Variants in BMAL1 observed in about 807,000 individuals in gnomAD.
BMAL1 encodes the protein basic helix-loop-helix ARNT like 1, also known as basic helix-loop-helix ARNT-like protein 1.
At chr11:13,354,256 C>T in the BMAL1 span, 1 of 1,304,700 alleles carries the variant, frequency 7.7e-7, no homozygotes, top group Non-Finnish European at 1.0e-6. Flanking sequence ...CTTTTGAGAG[C>T]TCATCGAAAT....
the BMAL1 span, among the ~76,000 whole-genome samples, chr11:13,333,414 C>T: frequency 1.5e-3 from 229 of 152,306 alleles, 1 homozygote; most frequent in African/African-American, 5.3e-3. Context: ...CTGGTCATTC[C>T]TGTCACCACT....
At chr11:13,326,725 T>TTA in the BMAL1 span, among the ~76,000 whole-genome samples, 27 of 150,206 alleles carry the variant, frequency 1.8e-4, no homozygotes, top group Middle Eastern at 3.5e-3. Context: ...TATATAGGTA[T>TTA]TATATATATA....
chr11:13,288,394 T>TCTTTTTTCTTTCTTTCTTTC, the BMAL1 span, among the ~76,000 whole-genome samples: 21 of 43,276 alleles, frequency 4.9e-4, no homozygotes, highest in Non-Finnish European at 7.8e-4. Flanking sequence ...GGATTTTCTT[T>TCTTTTTTCTTTCTTTCTTTC]TTTCTTTCTT....
the BMAL1 span, chr11:13,360,324 C>T: frequency 1.9e-6 from 3 of 1,598,702 alleles, no homozygotes; most frequent in Admixed American, 1.7e-5. Context: ...TATACCAATT[C>T]TTTCTCTTTT....
the BMAL1 span, among the ~76,000 whole-genome samples, chr11:13,313,191 C>T: frequency 3.3e-4 from 51 of 152,352 alleles, no homozygotes; most frequent in South Asian, 5.6e-3. Context: ...CTCTGCTGAG[C>T]GTGCCTCTCC....
At chr11:13,320,100 G>A in the BMAL1 span, among the ~76,000 whole-genome samples, 1 of 152,338 alleles carries the variant, frequency 6.6e-6, no homozygotes, top group Middle Eastern at 3.4e-3. Context: ...ATTTGGGAAG[G>A]ATCTGCAAAT....
chr11:13,376,467 G>A, the BMAL1 span: 1 of 695,034 alleles, frequency 1.4e-6, no homozygotes, highest in Non-Finnish European at 2.6e-6. Flanking sequence ...CAAAGGCCAG[G>A]ATGCTATCCA....
At chr11:13,353,644 C>A in the BMAL1 span, 2 of 152,050 alleles carry the variant, frequency 1.3e-5, no homozygotes, top group African/African-American at 4.8e-5. Context: ...ATGGTGAAAC[C>A]CCATCTCTAC....
chr11:13,309,324 G>A, the BMAL1 span, among the ~76,000 whole-genome samples: 16 of 152,278 alleles, frequency 1.1e-4, no homozygotes, highest in Admixed American at 9.2e-4. Flanking sequence ...AGCTGAGACT[G>A]CAGCCGGGCC....
At chr11:13,312,270 T>C in the BMAL1 span, among the ~76,000 whole-genome samples, 17 of 152,230 alleles carry the variant, frequency 1.1e-4, no homozygotes, top group Admixed American at 9.2e-4. Context: ...GATGAGTAAC[T>C]ATGCAAGGTT....
chr11:13,357,517 C>T, the BMAL1 span, among the ~76,000 whole-genome samples: 7 of 152,316 alleles, frequency 4.6e-5, no homozygotes, highest in African/African-American at 7.2e-5. The surrounding 1 kb of genome is among the most constrained non-coding windows in gnomAD (Gnocchi z 4.8). Flanking sequence ...GGGGCATGCT[C>T]GGTGTCTCGA....
the BMAL1 span, among the ~76,000 whole-genome samples, chr11:13,374,907 C>T: frequency 1.3e-5 from 2 of 152,220 alleles, 1 homozygote; most frequent in South Asian, 4.1e-4. Context: ...CCCACCTCCT[C>T]AGTTTCAGTC....
the BMAL1 span, among the ~76,000 whole-genome samples, chr11:13,343,872 A>T: frequency 6.6e-6 from 1 of 152,162 alleles, no homozygotes; most frequent in Non-Finnish European, 1.5e-5. Context: ...AAAGTGCCTC[A>T]GATTTACAAA....
the BMAL1 span, among the ~76,000 whole-genome samples, chr11:13,314,343 G>A: frequency 6.6e-6 from 1 of 151,988 alleles, no homozygotes; most frequent in Non-Finnish European, 1.5e-5. Flanking sequence ...TTGTAAGAGT[G>A]AGGAGTGGTC....
the BMAL1 span, among the ~76,000 whole-genome samples, chr11:13,358,094 C>T: frequency 1.3e-5 from 2 of 152,196 alleles, no homozygotes; most frequent in Non-Finnish European, 2.9e-5. Flanking sequence ...CCTCCCTTCT[C>T]TTTCCTTTCA....
the BMAL1 span, among the ~76,000 whole-genome samples, chr11:13,327,860 C>A: frequency 7.0e-5 from 1 of 14,370 alleles, no homozygotes; most frequent in African/African-American, 2.1e-4. Flanking sequence ...CAAATACAAG[C>A]CCAGCATTTT....
the BMAL1 span, among the ~76,000 whole-genome samples, chr11:13,332,202 T>C: frequency 9.4e-4 from 143 of 152,148 alleles, 2 homozygotes; most frequent in Non-Finnish European, 1.4e-3. Flanking sequence ...AGCCCTTGGG[T>C]TATTGAATCC....
chr11:13,375,318 T>C, the BMAL1 span, among the ~76,000 whole-genome samples: 1 of 152,262 alleles, frequency 6.6e-6, no homozygotes, highest in Admixed American at 6.5e-5. Context: ...CATTTGCTGG[T>C]GGTCATGTTA....
chr11:13,362,041 C>T, the BMAL1 span, among the ~76,000 whole-genome samples: 8 of 152,296 alleles, frequency 5.3e-5, no homozygotes, highest in African/African-American at 1.9e-4. Context: ...CTGGTGGAGA[C>T]AGGCAAGAGA....
Sources: allele counts gnomAD v4.1 joint callset (sites outside exome capture counted in the v4.1 genomes callset), GRCh38; gene constraint gnomAD v4.1.1; non-coding constraint Gnocchi (gnomAD v3.1); transcripts MANE v1.5; gene names NCBI Gene and HGNC (gene_info 2026-07-23, HGNC 2026-07-21).